Variants in GRM7 observed in about 807,000 individuals in gnomAD.
GRM7 encodes metabotropic glutamate receptor 7.
A neutral mutation model predicts 84.5 loss-of-function variants in GRM7; 35 were observed. That is an observed-to-expected ratio of 0.41 (90% CI 0.32 to 0.55). GRM7 has a LOEUF of 0.55. Among genes scored for constraint, GRM7 ranks in the 20% least tolerant of loss-of-function variants. The pLI is 0.19. For missense variants in GRM7, 1,003 were observed against 1,194.6 expected (o/e 0.84, Z 2.36); for synonymous variants, 487 against 455.1 (o/e 1.07, Z -0.89).
chr3:6,894,530 G>T (rs950747402), intron 1 of GRM7, among the ~76,000 whole-genome samples: 3 of 151,976 alleles, frequency 2.0e-5, no homozygotes, highest in Non-Finnish European at 4.4e-5. Context: ...CATTGTAATT[G>T]TAATATATAC....
intron 4 of GRM7, among the ~76,000 whole-genome samples, chr3:7,367,739 A>C (rs1320703420): frequency 6.6e-6 from 1 of 151,822 alleles, no homozygotes; most frequent in East Asian, 1.9e-4. Flanking sequence ...AAAAGGAAAA[A>C]CTAGTACTGA....
chr3:7,297,852 T>A (rs1024805962), intron 2 of GRM7, among the ~76,000 whole-genome samples: 3 of 152,202 alleles, frequency 2.0e-5, no homozygotes, highest in Admixed American at 6.5e-5. Flanking sequence ...TAAGTGTGTT[T>A]CATAAAATGC....
rs78137319 is a variant in GRM7 at position 7,306,645 on chromosome 3, G to A, written c.1026G>A (p.Thr342=). The A allele has an allele frequency of 3.0e-4, 475 of 1,600,862 alleles. 5 individuals are homozygous for A. In the East Asian group the frequency reaches 9.1e-3, roughly 31 times the overall value. ...GAITIQPKRA[T]VEGFDAYFTS... Reference sequence around the variant, plus strand: ...TCACCATTCAGCCCAAGCGAGCCACGGTGGAAGGTATGGGTTTCATCAGCA... The same window carrying A: ...TCACCATTCAGCCCAAGCGAGCCACAGTGGAAGGTATGGGTTTCATCAGCA... Residue 342 remains threonine, a synonymous_variant, in exon 4 of 10, where the codon ACG becomes ACA. Transcript: ENST00000357716.
chr3:7,598,964 T>A lies in GRM7; in HGVS notation c.2451+19607T>A, dbSNP rs559784138. On this transcript the variant is annotated intron_variant, in intron 8 of 9. Coordinates refer to ENST00000357716, the MANE Select transcript of GRM7 (RefSeq NM_000844.4). The stretch of plus-strand genomic sequence containing the variant: ...GACCAAAGGGCAAGGATAAAGGGAC[T>A]TGAATCCTTTTCTTAAATCTCCATA... Among the ~76,000 whole-genome samples, 12 of 152,322 alleles carry A rather than the reference T, an allele frequency of 7.9e-5. No homozygotes were observed. In the East Asian group the frequency reaches 2.1e-3, roughly 27 times the overall value.
chr3:7,295,634 T>G (rs940133814), intron 2 of GRM7, among the ~76,000 whole-genome samples: 1 of 152,164 alleles, frequency 6.6e-6, no homozygotes. Flanking sequence ...GTTTTATAGT[T>G]TTCAGCACAC....
chr3:7,167,973 CAAAAAAAAAAAAAAAAAAAAAAA>C (rs60681836), intron 2 of GRM7, among the ~76,000 whole-genome samples: 2 of 54,610 alleles, frequency 3.7e-5, no homozygotes, highest in South Asian at 2.5e-3. Context: ...GACTCTGTCT[CAAAAAAAAAAAAAAAAAAAAAAA>C]AAAAAAAAAA....
chr3:7,126,814 A>G (rs529052582), intron 1 of GRM7, among the ~76,000 whole-genome samples: 50 of 152,134 alleles, frequency 3.3e-4, no homozygotes, highest in Middle Eastern at 3.4e-3. Context: ...CCCATCATAT[A>G]TCTCTATCTC....
intron 1 of GRM7, among the ~76,000 whole-genome samples, chr3:6,882,132 T>A (rs1695536019): frequency 6.6e-6 from 1 of 152,036 alleles, no homozygotes; most frequent in South Asian, 2.1e-4. Context: ...GATCTCCAAT[T>A]CTTTGAAAGG....
intron 1 of GRM7, among the ~76,000 whole-genome samples, chr3:7,077,676 C>G (rs1405275872): frequency 1.3e-5 from 2 of 151,912 alleles, no homozygotes; most frequent in Non-Finnish European, 2.9e-5. Context: ...ACCTATGTAA[C>G]AAACCTGCAC....
chr3:7,560,986 C>A (rs1461906828), intron 7 of GRM7, among the ~76,000 whole-genome samples: 1 of 152,074 alleles, frequency 6.6e-6, no homozygotes, highest in African/African-American at 2.4e-5. Context: ...GGCAGATAGC[C>A]CTTGAATGAA....
intron 4 of GRM7, among the ~76,000 whole-genome samples, chr3:7,391,991 C>T (rs566075579): frequency 2.0e-5 from 3 of 152,270 alleles, no homozygotes; most frequent in Admixed American, 1.3e-4. Flanking sequence ...AACCCCCTCT[C>T]TACATCTATT....
intron 2 of GRM7, among the ~76,000 whole-genome samples, chr3:7,281,410 G>C (rs1185569111): frequency 6.6e-6 from 1 of 152,076 alleles, no homozygotes; most frequent in African/African-American, 2.4e-5. Context: ...TAAAATGTTA[G>C]AGTTGGAAGA....
At chr3:7,462,047 G>A (rs796584480) in intron 7 of GRM7, among the ~76,000 whole-genome samples, 8 of 152,078 alleles carry the variant, frequency 5.3e-5, no homozygotes, top group African/African-American at 1.9e-4. Context: ...TATTTCTTCT[G>A]CCTCCCCCCA....
At position 7,695,757 on chromosome 3, in the gene GRM7, A is replaced by G. The variant is rs189721024; in HGVS notation, c.2698+15462A>G. Among the ~76,000 whole-genome samples, 69 of 152,290 alleles carry G rather than the reference A, an allele frequency of 4.5e-4. No homozygotes were observed. In the Middle Eastern group the frequency reaches 0.017, roughly 38 times the overall value. On this transcript the variant is annotated intron_variant, in intron 9 of 9. Transcript: ENST00000357716. ...GTAACTACCGCATGGGGCAGTTATT[A>G]GGATTAGATTAGTTAATATATATGA...
intron 1 of GRM7, among the ~76,000 whole-genome samples, chr3:7,004,972 T>G (rs1191889886): frequency 6.6e-6 from 1 of 152,160 alleles, no homozygotes; most frequent in Non-Finnish European, 1.5e-5. Flanking sequence ...AATCCTTGAG[T>G]GTCATTGCCA....
intron 2 of GRM7, among the ~76,000 whole-genome samples, chr3:7,156,231 A>C (rs1694445871): frequency 6.6e-6 from 1 of 152,198 alleles, no homozygotes; most frequent in African/African-American, 2.4e-5. Flanking sequence ...TATGGGGGGA[A>C]AGCCATGGGG....
At chr3:7,624,449 T>C (rs575293959) in intron 8 of GRM7, among the ~76,000 whole-genome samples, 6 of 151,474 alleles carry the variant, frequency 4.0e-5, no homozygotes, top group Non-Finnish European at 7.4e-5. Flanking sequence ...TACGTAATTA[T>C]ACATACATAT....
At chr3:7,121,113 T>C (rs1230175084) in intron 1 of GRM7, among the ~76,000 whole-genome samples, 1 of 152,168 alleles carries the variant, frequency 6.6e-6, no homozygotes, top group Non-Finnish European at 1.5e-5. Context: ...GAACTATAGA[T>C]GAAAGAGTAT....
intron 8 of GRM7, among the ~76,000 whole-genome samples, chr3:7,670,322 A>C (rs1462899524): frequency 6.6e-6 from 1 of 152,194 alleles, no homozygotes; most frequent in African/African-American, 2.4e-5. Flanking sequence ...GCAACAGAGG[A>C]AGATCAGCAA....
Sources: allele counts gnomAD v4.1 joint callset (sites outside exome capture counted in the v4.1 genomes callset), GRCh38; gene constraint gnomAD v4.1.1; transcripts MANE v1.5; gene names NCBI Gene and HGNC (gene_info 2026-07-23, HGNC 2026-07-21).